The following CNTRL variants were observed in gnomAD, a reference collection of about 807,000 sequenced individuals.
CNTRL encodes 110 kDa centrosomal protein.
In CNTRL, 233 loss-of-function variants were observed where a neutral mutation model predicts 303.7. The ratio of observed to expected loss-of-function variants is 0.77; its 90% CI spans 0.69 to 0.86. The LOEUF (loss-of-function observed/expected upper bound fraction) is 0.86. Ranked by LOEUF, CNTRL falls within the 40% of genes least tolerant of loss-of-function variation. The pLI is 0.00. For synonymous variants in CNTRL, 900 were observed against 922.2 expected (o/e 0.98, Z 0.44); for missense variants, 2,524 against 2,650.6 (o/e 0.95, Z 1.05).
Position 121,144,041 on chromosome 9 carries a change from C to G in CNTRL, c.3010C>G (p.Leu1004Val). 6.2e-7 allele frequency: 1 copy of G among 1,613,540 alleles called. No individual in the cohort carries two copies. The change falls in exon 20 of 44, where the codon CTT (leucine) becomes GTT (valine). Residue 1004 changes from leucine to valine, a missense_variant. Coordinates refer to ENST00000373855, the MANE Select transcript of CNTRL (RefSeq NM_007018.6). ...CATTGCCAAAGACCAGCTGAAGTCCCTTCATGGAACTGTTATGAAAATTAA... is the reference window on the plus strand; with the variant it reads ...CATTGCCAAAGACCAGCTGAAGTCCGTTCATGGAACTGTTATGAAAATTAA... ...LTIAKDQLKSLHGTVMKINQE... is the reference protein window; with the variant it reads ...LTIAKDQLKSVHGTVMKINQE...
chr9:121,160,116 G>A, intron 31 of CNTRL, 27 bp from the exon 32 acceptor site: 1 of 1,418,592 alleles, frequency 7.0e-7, no homozygotes, highest in South Asian at 1.7e-5. Flanking sequence ...TCACAGGAGG[G>A]AATAACTTTT....
intron 14 of CNTRL, among the ~76,000 whole-genome samples, chr9:121,126,827 T>TG (rs1447082733): frequency 1.1e-5 from 1 of 93,294 alleles, no homozygotes; most frequent in Non-Finnish European, 2.7e-5. Flanking sequence ...TTGTTTGTTT[T>TG]GGTTTTTTTT....
At chr9:121,117,439 A>G (rs1329060786) in intron 11 of CNTRL, among the ~76,000 whole-genome samples, 1 of 152,200 alleles carries the variant, frequency 6.6e-6, no homozygotes, top group East Asian at 1.9e-4. Flanking sequence ...AATAAGAGAT[A>G]GAGTATTAAG....
intron 24 of CNTRL, 79 bp from the exon 25 acceptor site, chr9:121,150,091 A>G: frequency 8.7e-7 from 1 of 1,149,558 alleles, no homozygotes; most frequent in Non-Finnish European, 1.2e-6. Flanking sequence ...GCTGTTCTCT[A>G]CTAAATTTGT....
chr9:121,152,660 T>C lies in CNTRL; in HGVS notation c.4139T>C (p.Leu1380Ser). The C allele has an allele frequency of 6.2e-7, 1 of 1,613,626 alleles. No homozygotes were observed. The highest frequency in any genetic ancestry group is 8.5e-7 in the Non-Finnish European group (1 of 1,179,608). ...AGCTTAGAGTGTGAAGTAGAAGAAT[T>C]ACATAGAACTGTCCAGAAACGTCAA... ...KKSLECEVEELHRTVQKRQQQ... is the reference protein window; with the variant it reads ...KKSLECEVEESHRTVQKRQQQ... The change falls in exon 26 of 44, where the codon TTA becomes TCA. Residue 1380 changes from leucine (L) to serine (S), a missense_variant. Coordinates refer to ENST00000373855, the MANE Select transcript of CNTRL (RefSeq NM_007018.6).
In CNTRL at chr9:121,169,737, GAAAGA is replaced by G; in HGVS notation, c.6200_6204del (p.Lys2067SerfsTer2). ...CTGCGGAACCAGTTCTTGACAGAAA[GAAAGA>G]AAGCTGAGAAGCAGGTGGCCAGCCT... On this transcript the variant is annotated frameshift_variant, in exon 39 of 44. Transcript: ENST00000373855. LOFTEE classifies it high-confidence loss of function. 6.2e-7 allele frequency: 1 copy of G among 1,614,214 alleles called. No individual in the cohort carries two copies. The highest frequency in any genetic ancestry group is 1.3e-5 in the African/African-American group (1 of 75,062).
At chr9:121,114,759 T>C (rs2049901649) in intron 10 of CNTRL, among the ~76,000 whole-genome samples, 1 of 152,180 alleles carries the variant, frequency 6.6e-6, no homozygotes, top group Admixed American at 6.5e-5. Context: ...AATTATAACT[T>C]AGTAACATGT....
In CNTRL at chr9:121,122,824, A is replaced by G. The variant is rs180906198; in HGVS notation, c.1651-1107A>G. Among the ~76,000 whole-genome samples, 177 of 152,258 alleles carry G rather than the reference A, an allele frequency of 1.2e-3. 1 individual carries two copies. The East Asian group carries it at 0.03, about 26-fold the overall frequency. On this transcript the variant is annotated intron_variant, in intron 12 of 43. Transcript: ENST00000373855. ...AGTAGTTCCCTGATGCCATGACTTCAGGGTGCGGGAGGGTGTGTGGGTGTG... is the reference window on the plus strand; with the variant it reads ...AGTAGTTCCCTGATGCCATGACTTCGGGGTGCGGGAGGGTGTGTGGGTGTG...
At chr9:121,115,065 T>C (rs2049916291) in intron 10 of CNTRL, 26 bp from the exon 11 acceptor site, 1 of 1,387,982 alleles carries the variant, frequency 7.2e-7, no homozygotes, top group South Asian at 1.3e-5. Flanking sequence ...TTTCATATTA[T>C]GTGAGCATGG....
intron 1 of CNTRL, among the ~76,000 whole-genome samples, chr9:121,076,437 T>A (rs966201728): frequency 3.3e-5 from 5 of 151,712 alleles, no homozygotes; most frequent in African/African-American, 7.3e-5. Context: ...GGCAGTTGGG[T>A]TGGGATGAAG....
intron 25 of CNTRL, among the ~76,000 whole-genome samples, chr9:121,151,062 T>C (rs903316530): frequency 1.3e-5 from 2 of 152,220 alleles, no homozygotes; most frequent in African/African-American, 4.8e-5. Flanking sequence ...AGGTAGGATT[T>C]ATTTATTATT....
Position 121,118,332 on chromosome 9 carries a change from T to G in CNTRL, c.1456-14T>G. The G allele has an allele frequency of 6.4e-7, 1 of 1,558,018 alleles. No homozygotes were observed. Among genetic ancestry groups the G allele is most frequent in the Non-Finnish European group, 8.7e-7 (1 of 1,150,778 alleles). On this transcript the variant is annotated splice_polypyrimidine_tract_variant and intron_variant, in intron 11 of 43. Transcript: ENST00000373855. ...CTTCTCTGTTAATTATATATTGGGG[T>G]TTGGGGAGATTAGATTTCAGAAGCA...
chr9:121,110,700 TA>T (rs1161745297), intron 8 of CNTRL, among the ~76,000 whole-genome samples: 20 of 151,470 alleles, frequency 1.3e-4, no homozygotes, highest in East Asian at 1.9e-4. Flanking sequence ...GCGTATGTAT[TA>T]TTTTTTTTTA....
Position 121,107,869 on chromosome 9 carries a change from A to T in CNTRL, c.876A>T (p.Lys292Asn). The change falls in exon 8 of 44, where the codon AAA becomes AAT. Residue 292 changes from lysine (K) to asparagine (N), a missense_variant. Coordinates refer to ENST00000373855, the MANE Select transcript of CNTRL (RefSeq NM_007018.6). ...KMIETEELKS[K>N]QTRFLEEIKN... ...TAGAAACTGAAGAGCTTAAGAGCAA[A>T]CAAACAAGGTTCCTTGAGGAAATTA... is the stretch of plus-strand genomic sequence containing the variant. The T allele has an allele frequency of 6.2e-7, 1 of 1,609,690 alleles. No individual in the cohort carries two copies. The highest frequency in any genetic ancestry group is 8.5e-7 in the Non-Finnish European group (1 of 1,178,454).
rs201802980 is a variant in CNTRL at position 121,169,832 on chromosome 9, C to G, written c.6276+16C>G. On this transcript the variant is annotated intron_variant, in intron 39 of 43. Coordinates refer to ENST00000373855, the MANE Select transcript of CNTRL (RefSeq NM_007018.6). Reference sequence around the variant, plus strand: ...AAACCTTCTTGTGAGTACCTGCTGCCGTGGCAGTTTGTGAGGAAATGATAA... The same window carrying G: ...AAACCTTCTTGTGAGTACCTGCTGCGGTGGCAGTTTGTGAGGAAATGATAA... 6 of 1,606,378 alleles carry G rather than the reference C, an allele frequency of 3.7e-6. No individual in the cohort carries two copies. The highest frequency in any genetic ancestry group is 5.1e-6 in the Non-Finnish European group (6 of 1,174,784).
chr9:121,154,718 T>C lies in CNTRL; in HGVS notation c.4173-3T>C. On this transcript the variant is annotated splice_polypyrimidine_tract_variant and splice_region_variant and intron_variant, in intron 26 of 43. Transcript: ENST00000373855. Reference sequence around the variant, plus strand: ...TTTAATGGGTGTATATATTATTTTTTAGGGACTTCATTGATGGAAATGTTG... The same window carrying C: ...TTTAATGGGTGTATATATTATTTTTCAGGGACTTCATTGATGGAAATGTTG... The C allele has an allele frequency of 6.4e-7, 1 of 1,573,780 alleles. No homozygotes were observed. The highest frequency in any genetic ancestry group is 8.7e-7 in the Non-Finnish European group (1 of 1,145,094).
Position 121,146,172 on chromosome 9 carries a change from T to G in CNTRL, c.3375T>G (p.Tyr1125Ter). 6.2e-7 allele frequency: 1 copy of G among 1,613,792 alleles called. No individual in the cohort carries two copies. Among genetic ancestry groups the G allele is most frequent in the African/African-American group, 1.3e-5 (1 of 75,044 alleles). The change falls in exon 23 of 44, where the codon TAT becomes TAG. Residue 1125 changes from tyrosine to a stop codon, truncating the protein, a stop_gained. Transcript: ENST00000373855. LOFTEE classifies it high-confidence loss of function. ...EIAELRREVS[Y>*]QNDYISSMAD... is the part of the protein sequence containing the mutation. ...CTGAACTTCGACGTGAAGTTTCTTA[T>G]CAGAATGATTACATAAGCAGCATGG...
intron 2 of CNTRL, among the ~76,000 whole-genome samples, chr9:121,084,545 CA>C (rs926157205): frequency 1.0e-5 from 1 of 96,036 alleles, no homozygotes; most frequent in African/African-American, 3.3e-5. Context: ...AAGAGGATGT[CA>C]TTTTTTTTTT....
At chr9:121,093,622 C>A (rs1564196516) in intron 4 of CNTRL, among the ~76,000 whole-genome samples, 1 of 152,164 alleles carries the variant, frequency 6.6e-6, no homozygotes, top group Non-Finnish European at 1.5e-5. Context: ...ATGATAGCTT[C>A]ATAGTAAAAC....
Sources: gnomAD v4.1 joint callset for allele counts (sites outside exome capture counted in the v4.1 genomes callset) on GRCh38, gnomAD v4.1.1 for gene constraint, MANE v1.5 for transcripts, NCBI Gene and HGNC (gene_info 2026-07-23, HGNC 2026-07-21) for gene names.